The following LINGO2 variants were observed in gnomAD, a reference collection of about 807,000 sequenced individuals.
LINGO2 encodes leucine-rich repeat and immunoglobulin-like domain-containing nogo receptor-interacting protein 2.
A neutral mutation model predicts 30.6 loss-of-function variants in LINGO2; 14 were observed. That is an observed-to-expected ratio of 0.46 (90% CI 0.30 to 0.72). The LOEUF (loss-of-function observed/expected upper bound fraction) is 0.72, where lower values mean the gene tolerates loss of function less well. LINGO2 is among the 30% of genes least tolerant of loss of function. The pLI is 0.07. For synonymous variants in LINGO2, 317 were observed against 288.5 expected (o/e 1.10, Z -1.00); for missense variants, 729 against 751.7 (o/e 0.97, Z 0.35).
intron 5 of LINGO2, among the ~76,000 whole-genome samples, chr9:27,978,408 C>T (rs936482040): frequency 6.6e-6 from 1 of 152,044 alleles, no homozygotes; most frequent in Non-Finnish European, 1.5e-5. Flanking sequence ...AAGGTGATGG[C>T]ATTTGGAGAT....
chr9:27,947,138 G>C (rs12001661), downstream of LINGO2, among the ~76,000 whole-genome samples: 48,836 of 151,902 alleles, frequency 0.32, 8,147 homozygotes, highest in Middle Eastern at 0.47. Context: ...TTTCCTATCA[G>C]TTCTATGCTG....
intron 3 of LINGO2, among the ~76,000 whole-genome samples, 185 bp from the exon 6 acceptor site, chr9:28,295,551 G>GT (rs1051006797): frequency 1.5e-4 from 23 of 152,080 alleles, no homozygotes; most frequent in African/African-American, 5.6e-4. Context: ...TACAAAAGGT[G>GT]TTTTTTCCAA....
At chr9:28,085,221 TA>T (rs1347543153) in intron 4 of LINGO2, among the ~76,000 whole-genome samples, 1 of 152,066 alleles carries the variant, frequency 6.6e-6, no homozygotes, top group Non-Finnish European at 1.5e-5. Flanking sequence ...TCACCAAACT[TA>T]AATTTGATTG....
intron 2 of LINGO2, among the ~76,000 whole-genome samples, chr9:28,378,663 T>C (rs1260943399): frequency 6.6e-6 from 1 of 152,168 alleles, no homozygotes; most frequent in African/African-American, 2.4e-5. Context: ...TTCACTATTC[T>C]AAACAGCACC....
At chr9:27,959,315 A>T (rs1227413628) in intron 5 of LINGO2, among the ~76,000 whole-genome samples, 1 of 152,018 alleles carries the variant, frequency 6.6e-6, no homozygotes, top group East Asian at 1.9e-4. Context: ...TCTTCAGTCC[A>T]GTCTTTTAAT....
At chr9:28,054,421 G>C (rs368527595) in intron 4 of LINGO2, among the ~76,000 whole-genome samples, 93 of 152,162 alleles carry the variant, frequency 6.1e-4, no homozygotes, top group African/African-American at 2.1e-3. Flanking sequence ...TATAAGACTT[G>C]TCTGGATCTC....
chr9:28,605,839 G>A (rs1467848932), intron 1 of LINGO2, among the ~76,000 whole-genome samples: 1 of 152,024 alleles, frequency 6.6e-6, no homozygotes, highest in African/African-American at 2.4e-5. Flanking sequence ...GGCTAGCTGG[G>A]ATACAATAGC....
exon 4 of LINGO2, chr9:28,295,216 C>T (rs1042269188): frequency 1.3e-5 from 2 of 152,606 alleles, no homozygotes; most frequent in Non-Finnish European, 2.9e-5. Flanking sequence ...ACCTGGTTTA[C>T]TCTTTTGAAA....
the LINGO2 span, among the ~76,000 whole-genome samples, chr9:28,734,782 C>T: frequency 3.3e-5 from 5 of 152,108 alleles, no homozygotes; most frequent in East Asian, 9.6e-4. Flanking sequence ...TCCCTCTGTC[C>T]TTTTCCCAGT....
At position 27,949,790 on chromosome 9, in the gene LINGO2, A is replaced by C. The variant is rs188481913; in HGVS notation, c.882T>G (p.Ser294=). The change falls in exon 6 of 6, where the codon TCT becomes TCG. Residue 294 remains serine, a synonymous_variant. Coordinates refer to ENST00000379992, the Ensembl canonical transcript of LINGO2. ...GAAGCTCCTGAAGGCGGATCAGGTC[A>C]GAGAACATGCCTGCTTCAATAGTGC... 2.6e-5 allele frequency: 42 copies of C among 1,614,168 alleles called. No homozygotes were observed. The African/African-American group carries it at 4.8e-4, about 18-fold the overall frequency.
chr9:28,224,540 G>A (rs932256164), intron 4 of LINGO2, among the ~76,000 whole-genome samples: 6 of 151,958 alleles, frequency 3.9e-5, no homozygotes, highest in Admixed American at 6.6e-5. Context: ...CAGCTGTTTC[G>A]AATAGCTGTA....
chr9:28,334,699 A>T lies in LINGO2; in HGVS notation c.-246+38137T>A, dbSNP rs535678781. On this transcript the variant is annotated intron_variant, in intron 3 of 5. Transcript: ENST00000379992. The stretch of plus-strand genomic sequence containing the variant: ...GAACCATGAAACAGTGGCAACATTA[A>T]AGGGAATGAATTGATGTGCTTCAAG... Among the ~76,000 whole-genome samples the T allele has an allele frequency of 7.9e-5, 12 of 152,274 alleles. No homozygotes were observed. In the South Asian group the frequency reaches 2.5e-3, roughly 32 times the overall value.
intron 1 of LINGO2, among the ~76,000 whole-genome samples, chr9:28,529,205 T>C (rs548892362): frequency 6.6e-6 from 1 of 152,064 alleles, no homozygotes; most frequent in Non-Finnish European, 1.5e-5. Context: ...GTGAAATAAA[T>C]ATAACATACA....
intron 3 of LINGO2, among the ~76,000 whole-genome samples, chr9:28,302,681 A>G (rs558426683): frequency 1.3e-5 from 2 of 152,304 alleles, no homozygotes; most frequent in African/African-American, 4.8e-5. Context: ...AAATATATAT[A>G]TTATAACCCC....
the LINGO2 span, among the ~76,000 whole-genome samples, chr9:28,890,838 C>T: frequency 0.077 from 11,658 of 152,028 alleles, 478 homozygotes; most frequent in East Asian, 0.12. Context: ...GCAGAGGCAC[C>T]ATCCTGTTTT....
At chr9:29,138,828 C>G in the LINGO2 span, among the ~76,000 whole-genome samples, 1 of 152,100 alleles carries the variant, frequency 6.6e-6, no homozygotes, top group Non-Finnish European at 1.5e-5. Flanking sequence ...TCCAAAATAA[C>G]TAGACAAGTT....
intron 4 of LINGO2, among the ~76,000 whole-genome samples, chr9:28,277,842 A>C (rs4584243): frequency 0.46 from 64,794 of 141,174 alleles, 15,920 homozygotes; most frequent in East Asian, 0.71. Context: ...CAAAACAAAA[A>C]AAAAAAACAA....
chr9:28,437,901 A>G (rs1824018021), intron 2 of LINGO2, among the ~76,000 whole-genome samples: 3 of 152,218 alleles, frequency 2.0e-5, no homozygotes, highest in Admixed American at 2.0e-4. Context: ...TTTTAGTGTT[A>G]ACACCATAGA....
the LINGO2 span, among the ~76,000 whole-genome samples, chr9:28,867,603 T>C: frequency 6.6e-6 from 1 of 152,174 alleles, no homozygotes; most frequent in Admixed American, 6.6e-5. Flanking sequence ...AGAAAAACTT[T>C]CATTATCAAG....
Sources: allele counts gnomAD v4.1 joint callset (sites outside exome capture counted in the v4.1 genomes callset), GRCh38; gene constraint gnomAD v4.1.1; transcripts MANE v1.5; gene names NCBI Gene and HGNC (gene_info 2026-07-23, HGNC 2026-07-21).